The following BBS9 variants were observed in gnomAD, a reference collection of about 807,000 sequenced individuals.
BBS9 encodes the protein Bardet-Biedl syndrome 9.
In BBS9, 89 loss-of-function variants were observed where a neutral mutation model predicts 117.7. The observed-to-expected ratio is 0.76, with a 90% CI of 0.64 to 0.90. The LOEUF is 0.90. Ranked by LOEUF, BBS9 falls within the 40% of genes least tolerant of loss-of-function variation. BBS9 has a pLI of 0.00. For missense variants in BBS9, 982 were observed against 1,042.2 expected, an observed-to-expected ratio of 0.94 and a Z score of 0.80; for synonymous variants, 379 against 370.9, an observed-to-expected ratio of 1.02 and a Z score of -0.25.
chr7:33,433,966 T>C (rs1834905997), intron 19 of BBS9, among the ~76,000 whole-genome samples: 1 of 152,126 alleles, frequency 6.6e-6, no homozygotes, highest in Admixed American at 6.5e-5. Context: ...TTTTGAATAC[T>C]GATTTTTAGC....
At chr7:33,602,443 G>T (rs1476578420) in intron 21 of BBS9, among the ~76,000 whole-genome samples, 4 of 152,128 alleles carry the variant, frequency 2.6e-5, no homozygotes, top group Non-Finnish European at 4.4e-5. Context: ...AGAAAGGGGG[G>T]TGGTACCAGG....
At chr7:33,382,490 C>A (rs960175115) in intron 17 of BBS9, among the ~76,000 whole-genome samples, 1 of 150,900 alleles carries the variant, frequency 6.6e-6, no homozygotes, top group African/African-American at 2.4e-5. Flanking sequence ...GTATAAATTC[C>A]TTTAAAGGGA....
chr7:33,215,131 G>A lies in BBS9; in HGVS notation c.442+37540G>A, dbSNP rs1054980607. On this transcript the variant is annotated intron_variant, in intron 5 of 22. Transcript: ENST00000242067. ...GGTGTGAACCCGAGAGGCAGAGCTT[G>A]CAGTGAGCTGAGTGCAGTGCCACTG... Among the ~76,000 whole-genome samples, 9 of 152,316 alleles carry A rather than the reference G, an allele frequency of 5.9e-5. No homozygotes were observed. The East Asian group carries it at 1.7e-3, about 29-fold the overall frequency.
intron 9 of BBS9, among the ~76,000 whole-genome samples, chr7:33,289,277 C>G (rs1803527018): frequency 1.3e-5 from 2 of 152,148 alleles, no homozygotes; most frequent in African/African-American, 2.4e-5. Context: ...CCTTAAATAT[C>G]TTTTAGAAAG....
chr7:33,218,954 A>G (rs867742447), intron 5 of BBS9, among the ~76,000 whole-genome samples: 22 of 152,224 alleles, frequency 1.4e-4, no homozygotes, highest in Non-Finnish European at 2.8e-4. Flanking sequence ...TGGCTCCCTC[A>G]GCTTGCAGGG....
intron 1 of BBS9, among the ~76,000 whole-genome samples, chr7:33,132,643 C>A (rs1322455844): frequency 6.6e-6 from 1 of 152,004 alleles, no homozygotes; most frequent in East Asian, 1.9e-4. Context: ...TTTTGTAACC[C>A]AAAAGCCAGG....
intron 21 of BBS9, among the ~76,000 whole-genome samples, chr7:33,540,442 T>G (rs1033958572): frequency 6.6e-6 from 1 of 152,176 alleles, no homozygotes; most frequent in African/African-American, 2.4e-5. Flanking sequence ...CAAAATTGGG[T>G]CCAGAAGAAT....
chr7:33,527,496 G>C (rs1190685620), intron 20 of BBS9, among the ~76,000 whole-genome samples: 1 of 152,198 alleles, frequency 6.6e-6, no homozygotes, highest in Non-Finnish European at 1.5e-5. Context: ...ATTCGGGTGG[G>C]AGTGACCCGA....
chr7:33,240,977 T>A (rs553623958), intron 5 of BBS9, among the ~76,000 whole-genome samples: 67 of 152,260 alleles, frequency 4.4e-4, no homozygotes, highest in African/African-American at 1.5e-3. Flanking sequence ...ATTAAGTAGA[T>A]AATGATTAAG....
rs578224842 is a variant in BBS9 at position 33,383,628 on chromosome 7, G to C, written c.1790-38G>C. The stretch of plus-strand genomic sequence containing the variant: ...TCATGTAGCTTTATCTAGTAATTCT[G>C]TGTTACTAAGCATTTTTCCTTAATT... On this transcript the variant is annotated intron_variant, in intron 17 of 22. Transcript: ENST00000242067. 1.9e-6 allele frequency: 3 copies of C among 1,546,610 alleles called. No homozygotes were observed. The East Asian group carries it at 6.8e-5, about 35-fold the overall frequency.
intron 19 of BBS9, among the ~76,000 whole-genome samples, chr7:33,494,422 A>G (rs1419636723): frequency 6.6e-6 from 1 of 152,234 alleles, no homozygotes; most frequent in Non-Finnish European, 1.5e-5. Context: ...AGACTTCATA[A>G]CACTTGCAGT....
At chr7:33,608,217 A>G (rs150524652), downstream of BBS9, among the ~76,000 whole-genome samples, 2 of 152,158 alleles carry the variant, frequency 1.3e-5, no homozygotes, top group African/African-American at 4.8e-5. Context: ...GCTGAAAAAG[A>G]CATGATCTTT....
intron 19 of BBS9, among the ~76,000 whole-genome samples, chr7:33,446,598 T>A (rs1837032569): frequency 6.6e-6 from 1 of 152,194 alleles, no homozygotes; most frequent in Non-Finnish European, 1.5e-5. Flanking sequence ...GGAAGCTTGG[T>A]ATTTGCCCCA....
chr7:33,388,072 A>G lies in BBS9; in HGVS notation c.2043A>G (p.Leu681=), dbSNP rs748303128. 17 of 1,614,096 alleles carry G rather than the reference A, an allele frequency of 1.1e-5. No individual in the cohort carries two copies. Among genetic ancestry groups the G allele is most frequent in the Admixed American group, 3.3e-5 (2 of 60,014 alleles). Residue 681 remains leucine (L), a synonymous_variant, in exon 19 of 23, where the codon CTA becomes CTG. Transcript: ENST00000242067. The part of the protein sequence containing the change: ...VQFRAIQRRL[L]ARFKDKTPAP... The stretch of plus-strand genomic sequence containing the variant: ...TTCGGGCCATTCAACGCCGGCTACT[A>G]GCAAGATTCAAAGATAAAACTCCTG...
At chr7:33,292,306 C>A (rs1343077124) in intron 9 of BBS9, among the ~76,000 whole-genome samples, 3 of 152,014 alleles carry the variant, frequency 2.0e-5, no homozygotes, top group Non-Finnish European at 4.4e-5. Flanking sequence ...TAGCTCACTG[C>A]AACCTCTGCC....
chr7:33,187,065 G>A (rs993317985), intron 5 of BBS9, among the ~76,000 whole-genome samples: 1 of 152,068 alleles, frequency 6.6e-6, no homozygotes, highest in African/African-American at 2.4e-5. Flanking sequence ...TTGTTTCTTT[G>A]TGTTACTAAA....
In BBS9 at chr7:33,495,589, C is replaced by T. The variant is rs1487192828; in HGVS notation, c.2116-9874C>T. ...ATCTGTTCAATGAGTAACCATAGTC[C>T]GGAGAACATTCATTCTTCTTTTTAC... is the stretch of plus-strand genomic sequence containing the variant. On this transcript the variant is annotated intron_variant, in intron 19 of 22. Transcript: ENST00000242067. Among the ~76,000 whole-genome samples, 3 of 152,056 alleles carry T rather than the reference C, an allele frequency of 2.0e-5. No individual in the cohort carries two copies. In the East Asian group the frequency reaches 5.8e-4, roughly 29 times the overall value.
intron 5 of BBS9, among the ~76,000 whole-genome samples, chr7:33,241,708 A>T (rs1436635070): frequency 6.6e-6 from 1 of 151,884 alleles, no homozygotes; most frequent in Non-Finnish European, 1.5e-5. Flanking sequence ...TCTTATTAAA[A>T]CTGCTCTTAG....
intron 19 of BBS9, among the ~76,000 whole-genome samples, chr7:33,480,662 C>A (rs930447914): frequency 1.3e-5 from 2 of 152,112 alleles, no homozygotes; most frequent in Admixed American, 1.3e-4. Context: ...TGCTTAGGGG[C>A]AGGGCTGGTG....
Sources: allele counts gnomAD v4.1 joint callset (sites outside exome capture counted in the v4.1 genomes callset), GRCh38; gene constraint gnomAD v4.1.1; transcripts MANE v1.5; gene names NCBI Gene and HGNC (gene_info 2026-07-23, HGNC 2026-07-21).